The following SLC14A2 variants were observed in gnomAD, a reference collection of about 807,000 sequenced individuals.
SLC14A2 encodes the protein solute carrier family 14 member 2.
SLC14A2 carries 91 observed loss-of-function variants against 104.6 expected under a neutral mutation model. The ratio of observed to expected loss-of-function variants is 0.87; its 90% CI spans 0.73 to 1.04. The LOEUF (loss-of-function observed/expected upper bound fraction) is 1.04, where lower values mean the gene tolerates loss of function less well. Ranked by LOEUF, SLC14A2 falls within the 50% of genes least tolerant of loss-of-function variation. SLC14A2 has a pLI of 0.00. For synonymous variants in SLC14A2, 476 were observed against 466.4 expected (o/e 1.02, Z -0.27); for missense variants, 1,189 against 1,156.0 (o/e 1.03, Z -0.41).
At chr18:45,576,513 G>A (rs1200324432) in intron 2 of SLC14A2, among the ~76,000 whole-genome samples, 1 of 151,822 alleles carries the variant, frequency 6.6e-6, no homozygotes, top group Non-Finnish European at 1.5e-5. Flanking sequence ...TCGAACTCCT[G>A]ACCTCATGAT....
At chr18:45,540,762 A>T (rs1214074531) in intron 2 of SLC14A2, among the ~76,000 whole-genome samples, 1 of 152,044 alleles carries the variant, frequency 6.6e-6, no homozygotes, top group Admixed American at 6.6e-5. Flanking sequence ...TAACAATAAT[A>T]ATAATAATCT....
At chr18:45,669,941 G>A (rs189640390) in intron 16 of SLC14A2, among the ~76,000 whole-genome samples, 179 of 152,298 alleles carry the variant, frequency 1.2e-3, no homozygotes, top group African/African-American at 4.2e-3. Context: ...TTAAGAAGTC[G>A]TTGTTCCAAC....
At chr18:45,678,653 G>A (rs552878158) in intron 18 of SLC14A2, among the ~76,000 whole-genome samples, 7 of 152,314 alleles carry the variant, frequency 4.6e-5, no homozygotes, top group African/African-American at 1.4e-4. Context: ...TGCCTTTGCC[G>A]TATAGTAAAA....
chr18:45,244,904 A>C (rs912501775), intron 1 of SLC14A2, among the ~76,000 whole-genome samples: 1 of 152,242 alleles, frequency 6.6e-6, no homozygotes, highest in Non-Finnish European at 1.5e-5. Context: ...CCATTCATTC[A>C]TTCCAGCCAA....
rs1315492391 is a variant in SLC14A2 at position 45,643,162 on chromosome 18, T to C, written c.1157T>C (p.Ile386Thr). ...ALFCAYMEAA[I>T]SNIMSVVGVP... ...TTCTGTGCATACATGGAAGCAGCCA[T>C]CTCCAACATCATGTCAGTGGTAAGT... is the stretch of plus-strand genomic sequence containing the variant. The change falls in exon 9 of 20, where the codon ATC becomes ACC. Residue 386 changes from isoleucine to threonine, a missense_variant. Transcript: ENST00000255226. 1 of 1,614,010 alleles carries C rather than the reference T, an allele frequency of 6.2e-7. No individual in the cohort carries two copies. The highest frequency in any genetic ancestry group is 2.2e-5 in the East Asian group (1 of 44,886).
At chr18:45,346,954 G>A (rs761185402) in intron 1 of SLC14A2, among the ~76,000 whole-genome samples, 20 of 150,514 alleles carry the variant, frequency 1.3e-4, no homozygotes, top group African/African-American at 4.4e-4. Context: ...GCAACACAGC[G>A]AGACTCAAAA....
chr18:45,466,318 G>T (rs1276393764), intron 1 of SLC14A2, among the ~76,000 whole-genome samples: 1 of 151,936 alleles, frequency 6.6e-6, no homozygotes, highest in African/African-American at 2.4e-5. Context: ...CAAAGACAAA[G>T]AGAGGCAGAA....
chr18:45,661,676 A>C (rs2045938339), intron 10 of SLC14A2, among the ~76,000 whole-genome samples: 1 of 152,250 alleles, frequency 6.6e-6, no homozygotes, highest in Admixed American at 6.5e-5. Flanking sequence ...GGTAGCAGAC[A>C]CTTGGCATAT....
rs139387922 is a variant in SLC14A2, at chr18:45,344,592, G to A, written c.-125+131401G>A. 2.2e-3 allele frequency among the ~76,000 whole-genome samples: 329 copies of A among 152,270 alleles called. 2 individuals are homozygous for A. Among genetic ancestry groups the A allele is most frequent in the Non-Finnish European group, 3.0e-3 (202 of 68,016 alleles). On this transcript the variant is annotated intron_variant, in intron 1 of 20. Coordinates refer to the SLC14A2 transcript ENST00000586448. ...GACAGGCAGATATTTTGGATGCAAG[G>A]GGGAAGAAGCAAATCCCAGAAACGT...
At chr18:45,266,295 A>G (rs1289085391) in intron 1 of SLC14A2, among the ~76,000 whole-genome samples, 1 of 152,132 alleles carries the variant, frequency 6.6e-6, no homozygotes, top group Non-Finnish European at 1.5e-5. Flanking sequence ...GGTGCATCTA[A>G]TGACACTGAA....
chr18:45,628,504 C>G (rs913976438), intron 4 of SLC14A2, among the ~76,000 whole-genome samples: 5 of 151,752 alleles, frequency 3.3e-5, no homozygotes, highest in African/African-American at 1.2e-4. Context: ...CCCCCTTCCT[C>G]TCATAGCTAT....
chr18:45,311,197 A>G (rs1191238506), intron 1 of SLC14A2, among the ~76,000 whole-genome samples: 1 of 152,240 alleles, frequency 6.6e-6, no homozygotes, highest in Admixed American at 6.5e-5. Flanking sequence ...GAGTAGCAGC[A>G]CTAAAGCTGA....
At chr18:45,299,961 T>C (rs1395328439) in intron 1 of SLC14A2, among the ~76,000 whole-genome samples, 1 of 152,072 alleles carries the variant, frequency 6.6e-6, no homozygotes, top group African/African-American at 2.4e-5. Flanking sequence ...GGGGTGATAT[T>C]TTAGTTATTT....
At chr18:45,644,194 T>C (rs764675900) in intron 10 of SLC14A2, 34 bp downstream of exon 10, 2 of 1,606,326 alleles carry the variant, frequency 1.2e-6, no homozygotes, top group Non-Finnish European at 1.7e-6. Flanking sequence ...AAACGCTCTT[T>C]GCCTGACCTG....
At chr18:45,167,994 C>A in the SLC14A2 span, among the ~76,000 whole-genome samples, 1 of 152,194 alleles carries the variant, frequency 6.6e-6, no homozygotes, top group Non-Finnish European at 1.5e-5. Flanking sequence ...GTAGAGGCAT[C>A]ATTGCAGATC....
chr18:45,399,577 T>A (rs1412742556), intron 1 of SLC14A2, among the ~76,000 whole-genome samples: 1 of 152,198 alleles, frequency 6.6e-6, no homozygotes, highest in African/African-American at 2.4e-5. Context: ...CCTGGGAAAT[T>A]TCCTGGTAGT....
intron 10 of SLC14A2, 124 bp from the exon 11 acceptor site, chr18:45,663,661 C>G (rs1242467637): frequency 2.8e-6 from 3 of 1,052,828 alleles, no homozygotes; most frequent in Non-Finnish European, 4.1e-6. Context: ...AATGACTACT[C>G]CAGCTTCAGG....
chr18:45,445,873 G>A (rs924687093), intron 1 of SLC14A2, among the ~76,000 whole-genome samples: 2 of 152,136 alleles, frequency 1.3e-5, no homozygotes, highest in African/African-American at 4.8e-5. Context: ...AAAATGCCTA[G>A]AGAAGCCACA....
chr18:45,623,791 G>GTC, intron 1 of SLC14A2, among the ~76,000 whole-genome samples: 2 of 152,172 alleles, frequency 1.3e-5, no homozygotes, highest in Non-Finnish European at 2.9e-5. Flanking sequence ...GAGCAATGGG[G>GTC]AAAGCTCTAG....
Sources: gnomAD v4.1 joint callset for allele counts (sites outside exome capture counted in the v4.1 genomes callset) on GRCh38, gnomAD v4.1.1 for gene constraint, MANE v1.5 for transcripts, NCBI Gene and HGNC (gene_info 2026-07-23, HGNC 2026-07-21) for gene names.